OPCML: variants seen among roughly 807,000 people sequenced by gnomAD.
OPCML encodes the protein opioid-binding protein/cell adhesion molecule.
OPCML carries 13 observed loss-of-function variants against 37.8 expected under a neutral mutation model. The observed-to-expected ratio is 0.34, with a 90% CI of 0.22 to 0.55. The LOEUF (loss-of-function observed/expected upper bound fraction) is 0.55, where lower values mean the gene tolerates loss of function less well. OPCML is among the 20% of genes least tolerant of loss of function. OPCML has a pLI of 0.91. For missense variants in OPCML, 341 were observed against 435.6 expected, an observed-to-expected ratio of 0.78 and a Z score of 1.93; for synonymous variants, 176 against 168.8, an observed-to-expected ratio of 1.04 and a Z score of -0.33.
intron 1 of OPCML, among the ~76,000 whole-genome samples, chr11:133,020,939 CAT>C (rs1193983475): frequency 6.6e-6 from 1 of 152,110 alleles, no homozygotes; most frequent in Non-Finnish European, 1.5e-5. Flanking sequence ...ACTTGGCATA[CAT>C]AGACTCTCAG....
At chr11:133,526,851 A>T (rs1348509336) in intron 1 of OPCML, among the ~76,000 whole-genome samples, 1 of 152,208 alleles carries the variant, frequency 6.6e-6, no homozygotes, top group Non-Finnish European at 1.5e-5. Context: ...GATCAGAAGG[A>T]GTGGGAGAGC....
chr11:132,592,778 A>G (rs2096486580), intron 3 of OPCML, among the ~76,000 whole-genome samples: 1 of 152,250 alleles, frequency 6.6e-6, no homozygotes, highest in Non-Finnish European at 1.5e-5. Flanking sequence ...AAGACCCACC[A>G]AAATCACAAA....
chr11:132,862,408 A>G (rs1942341589), intron 2 of OPCML, among the ~76,000 whole-genome samples: 1 of 151,668 alleles, frequency 6.6e-6, no homozygotes, highest in Admixed American at 6.6e-5. Flanking sequence ...TGGTACGGCA[A>G]TCCTTAAAGA....
At chr11:133,263,919 C>T (rs1242015764) in intron 1 of OPCML, among the ~76,000 whole-genome samples, 1 of 152,188 alleles carries the variant, frequency 6.6e-6, no homozygotes, top group African/African-American at 2.4e-5. Flanking sequence ...CAGTTTGGGA[C>T]CCAGGGACAA....
At chr11:133,391,437 C>T (rs1462175143) in intron 1 of OPCML, among the ~76,000 whole-genome samples, 1 of 152,104 alleles carries the variant, frequency 6.6e-6, no homozygotes, top group Non-Finnish European at 1.5e-5. Flanking sequence ...CCATGAGCTC[C>T]AGAAACATTA....
At chr11:132,766,711 A>G (rs902923745) in intron 2 of OPCML, among the ~76,000 whole-genome samples, 8 of 152,164 alleles carry the variant, frequency 5.3e-5, no homozygotes, top group African/African-American at 1.9e-4. Context: ...AGACCATGGC[A>G]GGGACAATGC....
chr11:133,420,592 T>C, intron 1 of OPCML: 1 of 985,226 alleles, frequency 1.0e-6, no homozygotes, highest in Non-Finnish European at 1.2e-6. Flanking sequence ...ACTGAAACAT[T>C]ATTATTTATC....
chr11:133,162,456 T>C (rs1950156308), intron 1 of OPCML, among the ~76,000 whole-genome samples: 1 of 152,182 alleles, frequency 6.6e-6, no homozygotes, highest in Non-Finnish European at 1.5e-5. Flanking sequence ...GAAAATAAAG[T>C]TCTGTATCTC....
At chr11:132,843,783 C>A (rs1941402059) in intron 2 of OPCML, among the ~76,000 whole-genome samples, 1 of 152,178 alleles carries the variant, frequency 6.6e-6, no homozygotes, top group Non-Finnish European at 1.5e-5. Context: ...CCGATTGTAC[C>A]TGACCACATC....
chr11:133,065,262 C>T (rs56008595), intron 1 of OPCML: 53,803 of 152,218 alleles, frequency 0.35, 10,733 homozygotes, highest in Non-Finnish European at 0.46. Context: ...CACTTTTAAA[C>T]CACGTGTGCA....
chr11:132,484,542 A>C (rs185181548), intron 4 of OPCML, among the ~76,000 whole-genome samples: 6 of 152,336 alleles, frequency 3.9e-5, no homozygotes, highest in Admixed American at 1.3e-4. Context: ...TAGCAATACC[A>C]TTTGACCCAG....
chr11:132,503,596 T>A (rs904324690), intron 4 of OPCML, among the ~76,000 whole-genome samples: 14 of 151,968 alleles, frequency 9.2e-5, no homozygotes, highest in African/African-American at 3.4e-4. Context: ...AAACAATGAG[T>A]TTAATAAAAC....
intron 1 of OPCML, among the ~76,000 whole-genome samples, chr11:133,165,200 G>T (rs1950193132): frequency 6.6e-6 from 1 of 152,234 alleles, no homozygotes; most frequent in South Asian, 2.1e-4. Flanking sequence ...CTTTGCAGAG[G>T]CTTGGTGTAG....
In OPCML at chr11:133,357,340, TCC is replaced by T. The variant is rs1944311857; in HGVS notation, c.61+174922_61+174923del. 2.0e-5 allele frequency among the ~76,000 whole-genome samples: 3 copies of T among 152,164 alleles called. No individual in the cohort carries two copies. The South Asian group carries it at 6.2e-4, about 32-fold the overall frequency. On this transcript the variant is annotated intron_variant, in intron 1 of 7. Coordinates refer to ENST00000524381, the MANE Select transcript of OPCML (RefSeq NM_001012393.5). Reference sequence around the variant, plus strand: ...CTTTATGTAGTTAATAACCCATGTCTCCCTAGGGTTGTGCTGAGAATTAACAG... The same window carrying T: ...CTTTATGTAGTTAATAACCCATGTCTCTAGGGTTGTGCTGAGAATTAACAG...
intron 2 of OPCML, among the ~76,000 whole-genome samples, chr11:132,678,992 CTG>C (rs1255529688): frequency 5.3e-5 from 8 of 151,996 alleles, no homozygotes; most frequent in African/African-American, 1.7e-4. Flanking sequence ...TGTGGGGACT[CTG>C]TATATTTCTC....
At chr11:132,587,371 T>G (rs1476501838) in intron 3 of OPCML, among the ~76,000 whole-genome samples, 1 of 152,226 alleles carries the variant, frequency 6.6e-6, no homozygotes, top group African/African-American at 2.4e-5. Flanking sequence ...TCTTGATTCT[T>G]CAGACACATC....
intron 1 of OPCML, among the ~76,000 whole-genome samples, chr11:133,270,445 T>C (rs1941795958): frequency 6.6e-6 from 1 of 152,208 alleles, no homozygotes; most frequent in Non-Finnish European, 1.5e-5. Flanking sequence ...CTCCAAGTCT[T>C]AAATTCTCTA....
At chr11:133,048,190 G>A (rs1948059407) in intron 1 of OPCML, among the ~76,000 whole-genome samples, 1 of 152,116 alleles carries the variant, frequency 6.6e-6, no homozygotes, top group Admixed American at 6.6e-5. Context: ...AATTTCATAG[G>A]AGCTTTGCAT....
At chr11:132,826,408 G>A (rs1444526507) in intron 2 of OPCML, among the ~76,000 whole-genome samples, 1 of 152,148 alleles carries the variant, frequency 6.6e-6, no homozygotes, top group Non-Finnish European at 1.5e-5. Context: ...GAGTGGGATG[G>A]TGACAGTTTC....
Sources: allele counts gnomAD v4.1 joint callset (sites outside exome capture counted in the v4.1 genomes callset), GRCh38; gene constraint gnomAD v4.1.1; transcripts MANE v1.5; gene names NCBI Gene and HGNC (gene_info 2026-07-23, HGNC 2026-07-21).